The following PRKN variants were observed in gnomAD, a reference collection of about 807,000 sequenced individuals.
PRKN encodes the protein parkin RBR E3 ubiquitin protein ligase.
Under a neutral mutation model 59.5 loss-of-function variants are expected in PRKN, and 56 were observed. That is an observed-to-expected ratio of 0.94 (90% confidence interval 0.76 to 1.18). The LOEUF is 1.18. PRKN is among the 50% of genes most tolerant of loss of function. The pLI is 0.00. For missense variants in PRKN, 657 were observed against 596.4 expected (o/e 1.10, Z -1.06); for synonymous variants, 250 against 222.1 (o/e 1.13, Z -1.12).
At chr6:162,075,390 A>G (rs1248787464) in intron 4 of PRKN, among the ~76,000 whole-genome samples, 1 of 152,154 alleles carries the variant, frequency 6.6e-6, no homozygotes, top group African/African-American at 2.4e-5. Context: ...ATTAAGCTTT[A>G]TGAATAACAC....
chr6:161,735,748 C>T lies in PRKN; in HGVS notation c.871+50024G>A, dbSNP rs182230914. 8.3e-3 allele frequency among the ~76,000 whole-genome samples: 1,265 copies of T among 152,118 alleles called. 20 individuals are homozygous for T. Among genetic ancestry groups the T allele is most frequent in the African/African-American group, 0.029 (1,221 of 41,496 alleles). On this transcript the variant is annotated intron_variant, in intron 7 of 11. Coordinates refer to ENST00000366898, the MANE Select transcript of PRKN (RefSeq NM_004562.3). ...TGGCCAACATGGTGAAACTCCATCTCTACTAAAAATACAAAAATTAGCTGG... is the reference window on the plus strand; with the variant it reads ...TGGCCAACATGGTGAAACTCCATCTTTACTAAAAATACAAAAATTAGCTGG...
rs567623534 is a variant in PRKN, at chr6:161,369,724, T to C, written c.1168-9519A>G. Among the ~76,000 whole-genome samples the C allele has an allele frequency of 2.6e-5, 4 of 152,188 alleles. 1 individual carries two copies. In the South Asian group the frequency reaches 6.2e-4, roughly 24 times the overall value. ...CAAGTCTCTCTCCTAATATACTTCATGGCTGAAAATAGCGATTTCATAAAT... is the reference window on the plus strand; with the variant it reads ...CAAGTCTCTCTCCTAATATACTTCACGGCTGAAAATAGCGATTTCATAAAT... On this transcript the variant is annotated intron_variant, in intron 10 of 11. Transcript: ENST00000366898. This position sits in a 1 kb window ranked among gnomAD's most constrained non-coding sequence, Gnocchi z 5.8.
At chr6:162,098,129 T>C (rs1562511569) in intron 4 of PRKN, among the ~76,000 whole-genome samples, 1 of 152,172 alleles carries the variant, frequency 6.6e-6, no homozygotes, top group Non-Finnish European at 1.5e-5. Context: ...TTTTTGCTTG[T>C]TAATGTGGCT....
At chr6:161,779,620 T>G (rs1790119280) in intron 7 of PRKN, among the ~76,000 whole-genome samples, 1 of 151,730 alleles carries the variant, frequency 6.6e-6, no homozygotes, top group Non-Finnish European at 1.5e-5. Flanking sequence ...AATTTTTGTA[T>G]TTTTAGTAGA....
chr6:162,254,820 T>C (rs1390106848), intron 3 of PRKN, among the ~76,000 whole-genome samples: 1 of 151,942 alleles, frequency 6.6e-6, no homozygotes, highest in Non-Finnish European at 1.5e-5. Context: ...CAGTAGAAAA[T>C]TTATCCACTT....
intron 10 of PRKN, among the ~76,000 whole-genome samples, chr6:161,383,988 A>T (rs1307021909): frequency 1.3e-5 from 2 of 152,178 alleles, no homozygotes; most frequent in African/African-American, 4.8e-5. Flanking sequence ...TGGCCCTGTG[A>T]TCAGGAACCA....
Position 161,914,591 on chromosome 6 carries a change from T to C in PRKN, c.734+58711A>G, listed in dbSNP as rs1453996344. Among the ~76,000 whole-genome samples the C allele has an allele frequency of 2.2e-4, 34 of 152,082 alleles. 1 individual carries two copies. ...AATTGTGAAATGCTTCATAGTCCTT[T>C]GTGTCAAGAGCTCTGCCATAACCCA... On this transcript the variant is annotated intron_variant, in intron 6 of 11. Transcript: ENST00000366898.
At chr6:162,094,099 AAC>A (rs1779627784) in intron 4 of PRKN, among the ~76,000 whole-genome samples, 2 of 152,162 alleles carry the variant, frequency 1.3e-5, no homozygotes, top group Admixed American at 6.6e-5. Flanking sequence ...ATGAGACGAA[AAC>A]ACAGACACTG....
At chr6:162,161,717 C>T (rs1204171842) in intron 4 of PRKN, among the ~76,000 whole-genome samples, 26 of 152,254 alleles carry the variant, frequency 1.7e-4, no homozygotes, top group East Asian at 5.8e-4. Flanking sequence ...CCTAACACTA[C>T]GTCACAATGC....
intron 7 of PRKN, among the ~76,000 whole-genome samples, chr6:161,659,875 G>A (rs1369043955): frequency 6.6e-6 from 1 of 152,158 alleles, no homozygotes; most frequent in African/African-American, 2.4e-5. Context: ...TGAGATGCTT[G>A]ATACTGAGTC....
chr6:162,461,948 T>A (rs1046511499), intron 1 of PRKN, among the ~76,000 whole-genome samples: 1 of 152,120 alleles, frequency 6.6e-6, no homozygotes, highest in African/African-American at 2.4e-5. Flanking sequence ...CAGGTAGAGA[T>A]TTGTTTTTTA....
intron 1 of PRKN, among the ~76,000 whole-genome samples, chr6:162,601,614 A>T (rs1460862912): frequency 6.6e-6 from 1 of 152,206 alleles, no homozygotes; most frequent in African/African-American, 2.4e-5. Flanking sequence ...CAATGAATTT[A>T]AAATGTTTTC....
At chr6:161,672,573 C>T (rs920246621) in intron 7 of PRKN, among the ~76,000 whole-genome samples, 2 of 152,054 alleles carry the variant, frequency 1.3e-5, no homozygotes. Context: ...GTCAGGAGTT[C>T]GAGACCAGCC....
chr6:162,697,647 G>A (rs1472908305), intron 1 of PRKN, among the ~76,000 whole-genome samples: 1 of 152,080 alleles, frequency 6.6e-6, no homozygotes, highest in Non-Finnish European at 1.5e-5. Flanking sequence ...GGAAGCATCT[G>A]TTCAAACAAT....
intron 2 of PRKN, among the ~76,000 whole-genome samples, chr6:162,426,195 A>T (rs1430600181): frequency 6.6e-6 from 1 of 152,248 alleles, no homozygotes; most frequent in Non-Finnish European, 1.5e-5. Flanking sequence ...TAATAAAACT[A>T]TAGTAATATA....
At chr6:162,023,801 C>T (rs1167461568) in intron 5 of PRKN, among the ~76,000 whole-genome samples, 2 of 152,122 alleles carry the variant, frequency 1.3e-5, no homozygotes, top group Non-Finnish European at 2.9e-5. Flanking sequence ...CCCTCCTTTA[C>T]CCAGCACTTC....
chr6:161,703,585 C>T (rs556303770), intron 7 of PRKN, among the ~76,000 whole-genome samples: 1 of 152,276 alleles, frequency 6.6e-6, no homozygotes, highest in African/African-American at 2.4e-5. Flanking sequence ...GACAGCCACA[C>T]GATTCCCACC....
In PRKN at chr6:162,389,027, A is replaced by AAAC. The variant is rs1787023289; in HGVS notation, c.171+54282_171+54283insGTT. 4.1e-5 allele frequency among the ~76,000 whole-genome samples: 6 copies of AAAC among 146,254 alleles called. No individual in the cohort carries two copies. In the South Asian group the frequency reaches 1.3e-3, roughly 32 times the overall value. On this transcript the variant is annotated intron_variant, in intron 2 of 11. Coordinates refer to ENST00000366898, the MANE Select transcript of PRKN (RefSeq NM_004562.3). ...CTCCAGAAAAAAAAAAAAAAAAACA[A>AAAC]AAAAACCTGACCCTCAATTCTTAGA...
chr6:162,117,740 T>C (rs2128304597), intron 4 of PRKN, among the ~76,000 whole-genome samples: 1 of 152,332 alleles, frequency 6.6e-6, no homozygotes, highest in Admixed American at 6.5e-5. Flanking sequence ...ACAAGCCTTT[T>C]ACCTCTATGC....
Sources: gnomAD v4.1 joint callset for allele counts (sites outside exome capture counted in the v4.1 genomes callset) on GRCh38, gnomAD v4.1.1 for gene constraint, Gnocchi (gnomAD v3.1) non-coding constraint, MANE v1.5 for transcripts, NCBI Gene and HGNC (gene_info 2026-07-23, HGNC 2026-07-21) for gene names.